Variants in CLEC20A observed in about 807,000 individuals in gnomAD.
The protein encoded by CLEC20A is putative C-type lectin domain family 20 member A.
intron 5 of CLEC20A, chr1:178,486,518 T>C (rs1000529901): frequency 2.5e-6 from 1 of 398,772 alleles, no homozygotes; most frequent in Non-Finnish European, 4.4e-6. Context: ...GCAGTTGTCC[T>C]CTGGGTCACG....
chr1:178,483,099 C>T (rs1332015534), intron 6 of CLEC20A, 76 bp downstream of exon 6: 8 of 397,868 alleles, frequency 2.0e-5, no homozygotes, highest in Middle Eastern at 6.3e-4. Context: ...CTCAAGGGCC[C>T]TGTGCCAAGG....
chr1:178,498,273 A>G (rs1361430829), upstream of CLEC20A, among the ~76,000 whole-genome samples: 1 of 152,164 alleles, frequency 6.6e-6, no homozygotes, highest in East Asian at 1.9e-4. Context: ...CCCCAGGCCC[A>G]GTCTAGGCTC....
chr1:178,498,663 C>A (rs1649455536), upstream of CLEC20A, among the ~76,000 whole-genome samples: 1 of 152,120 alleles, frequency 6.6e-6, no homozygotes, highest in South Asian at 2.1e-4. Flanking sequence ...CTCTGGGGAA[C>A]CAAAAACAGC....
chr1:178,494,373 C>A (rs933195012), intron 2 of CLEC20A, 81 bp downstream of exon 2: 11 of 398,396 alleles, frequency 2.8e-5, no homozygotes, highest in African/African-American at 2.1e-4. Flanking sequence ...GAGCTATGAT[C>A]ACACCACTGC....
chr1:178,493,419 G>A (rs1649312940), intron 2 of CLEC20A: 1 of 152,726 alleles, frequency 6.5e-6, no homozygotes, highest in African/African-American at 2.4e-5. Context: ...ATGGCACAGA[G>A]TTGGACTGAG....
intron 5 of CLEC20A, among the ~76,000 whole-genome samples, chr1:178,487,922 G>A (rs996309633): frequency 2.0e-5 from 3 of 152,216 alleles, no homozygotes; most frequent in Non-Finnish European, 2.9e-5. Flanking sequence ...GAACTCTTGG[G>A]AAGTAAAATG....
exon 4 of CLEC20A, chr1:178,490,377 G>A (rs941241171): frequency 7.5e-6 from 3 of 398,680 alleles, no homozygotes; most frequent in South Asian, 1.3e-4. Flanking sequence ...CAGCAGGGCC[G>A]AGGACCATGT....
At chr1:178,491,783 C>A (rs576123856) in intron 3 of CLEC20A, among the ~76,000 whole-genome samples, 1 of 152,242 alleles carries the variant, frequency 6.6e-6, no homozygotes, top group East Asian at 1.9e-4. Flanking sequence ...TAAAAGACAC[C>A]AATGCAGTAA....
exon 4 of CLEC20A, chr1:178,490,384 A>G: frequency 7.5e-6 from 3 of 398,690 alleles, no homozygotes; most frequent in East Asian, 3.6e-5. Context: ...GCCGAGGACC[A>G]TGTCATCACT....
chr1:178,479,852 A>C, intron 7 of CLEC20A: 1 of 307,648 alleles, frequency 3.3e-6, no homozygotes, highest in Non-Finnish European at 5.9e-6. Flanking sequence ...CAGATGACTA[A>C]ATCAGTGGTT....
At chr1:178,492,480 G>A in intron 3 of CLEC20A, 21 bp downstream of exon 3, 1 of 398,544 alleles carries the variant, frequency 2.5e-6, no homozygotes, top group African/African-American at 2.1e-5. Flanking sequence ...CCAGAAAAGG[G>A]AATGGGGAGC....
Position 178,492,555 on chromosome 1 carries a change from C to T in CLEC20A, c.409G>A (p.Gly137Arg), listed in dbSNP as rs564968749. ...GAGGGCTTCGTGGAGATGAGGTGCC[C>T]GACGTCAGGGTCTGTAAAACAGAAA... The change falls in exon 3 of 8, where the codon GGG (glycine) becomes AGG (arginine). Residue 137 changes from glycine (G) to arginine (R), a missense_variant. Physicochemically the swap from Gly to Arg is moderately radical, Grantham distance 125. Transcript: ENST00000623247. The T allele has an allele frequency of 1.0e-3, 409 of 398,360 alleles. 2 individuals are homozygous for T. The highest frequency in any genetic ancestry group is 6.3e-4 in the Middle Eastern group (1 of 1,586). 24.7% of individuals were successfully genotyped at this position (398,360 alleles called of 1,614,324 possible). A position where few individuals can be genotyped will look rare whatever the true frequency, so the allele number is the denominator to read the frequency against.
intron 2 of CLEC20A, among the ~76,000 whole-genome samples, chr1:178,492,983 G>T (rs563900578): frequency 6.6e-6 from 1 of 152,332 alleles, no homozygotes; most frequent in Admixed American, 6.5e-5. Flanking sequence ...TCTAAGTGCT[G>T]CCAGGTCCTC....
chr1:178,487,057 A>G (rs1276758226), intron 5 of CLEC20A: 2 of 386,114 alleles, frequency 5.2e-6, no homozygotes, highest in Non-Finnish European at 9.1e-6. Flanking sequence ...GCTGGTCCCT[A>G]GGGCCAGAGA....
exon 4 of CLEC20A, chr1:178,490,404 C>T (rs571495579): frequency 3.5e-5 from 14 of 398,660 alleles, no homozygotes; most frequent in African/African-American, 1.4e-4. Context: ...TTGGTCAAAT[C>T]GCATGAAGGT....
chr1:178,494,799 C>G (rs1273310947), exon 2 of CLEC20A: 4 of 399,388 alleles, frequency 1.0e-5, no homozygotes, highest in Non-Finnish European at 1.8e-5. Flanking sequence ...TTACTGCTCA[C>G]CAGCTGCAGG....
At chr1:178,487,624 C>T (rs1018666789) in intron 5 of CLEC20A, among the ~76,000 whole-genome samples, 4 of 152,248 alleles carry the variant, frequency 2.6e-5, no homozygotes, top group Admixed American at 2.0e-4. Flanking sequence ...ACGCCTGTGC[C>T]TATACCAAGC....
chr1:178,497,046 A>G (rs1276046065), upstream of CLEC20A: 7 of 398,750 alleles, frequency 1.8e-5, no homozygotes. Context: ...CTGGCCTTTC[A>G]TTCCTTGCTG....
chr1:178,488,970 T>TGG (rs577285042), intron 4 of CLEC20A, among the ~76,000 whole-genome samples: 7 of 149,998 alleles, frequency 4.7e-5, no homozygotes, highest in Admixed American at 3.3e-4. Context: ...TTCTTTGAGG[T>TGG]GGGGGGGGCG....
Sources: allele counts gnomAD v4.1 joint callset (sites outside exome capture counted in the v4.1 genomes callset), GRCh38; gene constraint gnomAD v4.1.1; transcripts MANE v1.5; gene names NCBI Gene and HGNC (gene_info 2026-07-23, HGNC 2026-07-21).